Variants in BTBD1 observed in about 807,000 individuals in gnomAD.
BTBD1 encodes the protein BTB domain containing 1.
A neutral mutation model predicts 48.0 loss-of-function variants in BTBD1; 34 were observed. That is an observed-to-expected ratio of 0.71 (90% CI 0.54 to 0.94). The LOEUF (loss-of-function observed/expected upper bound fraction) is 0.94. BTBD1 is among the 40% of genes least tolerant of loss of function. The probability of loss-of-function intolerance (pLI) is 0.00; values close to 1 mark genes in which losing one functional copy is unlikely to be tolerated. For missense variants in BTBD1, 543 were observed against 625.6 expected, an observed-to-expected ratio of 0.87 and a Z score of 1.41; for synonymous variants, 261 against 242.1, an observed-to-expected ratio of 1.08 and a Z score of -0.72.
At chr15:83,043,367 G>A (rs976479474) in intron 3 of BTBD1, among the ~76,000 whole-genome samples, 33 of 152,244 alleles carry the variant, frequency 2.2e-4, no homozygotes, top group African/African-American at 7.7e-4. Flanking sequence ...AGCAGGCAAG[G>A]AGGCCAGAGG....
At chr15:83,027,371 C>A (rs2032430242) in intron 5 of BTBD1, among the ~76,000 whole-genome samples, 1 of 152,138 alleles carries the variant, frequency 6.6e-6, no homozygotes, top group African/African-American at 2.4e-5. Flanking sequence ...CAAACAAACA[C>A]CTCGTCCTAG....
At chr15:83,035,629 T>G (rs1372596619) in intron 4 of BTBD1, among the ~76,000 whole-genome samples, 3 of 151,968 alleles carry the variant, frequency 2.0e-5, no homozygotes, top group Admixed American at 2.0e-4. Context: ...AGAATATAGG[T>G]TGACCTTCTA....
Position 83,067,235 on chromosome 15 carries a change from C to T in BTBD1, c.-84G>A, listed in dbSNP as rs1390161073. 1.6e-6 allele frequency: 2 copies of T among 1,281,168 alleles called. No homozygotes were observed. Among genetic ancestry groups the T allele is most frequent in the Admixed American group, 4.1e-5 (1 of 24,208 alleles). 79.4% of individuals were successfully genotyped at this position (1,281,168 alleles called of 1,614,324 possible). On this transcript the variant is annotated 5_prime_UTR_variant, in exon 1 of 8. Transcript: ENST00000261721. ...GCCTCCGGAGGCCGGCGCTGCCTCC[C>T]TGCCTTCCGGGAAAGGCGCTTCCGG... is the stretch of plus-strand genomic sequence containing the variant.
intron 3 of BTBD1, among the ~76,000 whole-genome samples, chr15:83,049,223 T>A (rs2032933680): frequency 6.6e-6 from 1 of 152,024 alleles, no homozygotes; most frequent in South Asian, 2.1e-4. Flanking sequence ...TCACACACAC[T>A]CTCATTCAGA....
rs1356147502 is a variant in BTBD1, at chr15:83,017,629, G to A, written c.*438C>T. 6.6e-6 allele frequency: 1 copy of A among 152,632 alleles called. No homozygotes were observed. The highest frequency in any genetic ancestry group is 2.4e-5 in the African/African-American group (1 of 41,426). The allele number at this position is 152,632 out of a possible 1,614,324, so 9.5% of individuals were successfully genotyped here. On this transcript the variant is annotated 3_prime_UTR_variant, in exon 8 of 8. Transcript: ENST00000261721. ...TATTTGAGTTAATAAGAATTCTGTAGGAATACTGACCCATCTCTTTTCATC... is the reference window on the plus strand; with the variant it reads ...TATTTGAGTTAATAAGAATTCTGTAAGAATACTGACCCATCTCTTTTCATC...
intron 4 of BTBD1, among the ~76,000 whole-genome samples, chr15:83,032,882 G>C (rs1030027533): frequency 2.8e-5 from 4 of 143,560 alleles, no homozygotes; most frequent in African/African-American, 1.0e-4. Flanking sequence ...TGAGGCAGGA[G>C]AATCACTTGA....
At chr15:83,038,864 C>T (rs546839709) in intron 4 of BTBD1, among the ~76,000 whole-genome samples, 1 of 152,218 alleles carries the variant, frequency 6.6e-6, no homozygotes, top group South Asian at 2.1e-4. Context: ...CTACCTTTCA[C>T]CATACATAAA....
At chr15:83,054,209 G>A (rs772728284) in intron 2 of BTBD1, among the ~76,000 whole-genome samples, 3 of 152,206 alleles carry the variant, frequency 2.0e-5, no homozygotes, top group East Asian at 3.9e-4. Context: ...GTGGTGGTAC[G>A]CACTGGTAAT....
At chr15:83,032,628 T>C (rs2032539352) in intron 4 of BTBD1, among the ~76,000 whole-genome samples, 1 of 152,068 alleles carries the variant, frequency 6.6e-6, no homozygotes, top group East Asian at 1.9e-4. Context: ...AACTCAGGAA[T>C]GGAAAACCAA....
chr15:83,020,828 A>AT, intron 5 of BTBD1, 66 bp from the exon 6 acceptor site: 37 of 1,042,348 alleles, frequency 3.5e-5, no homozygotes, highest in Admixed American at 4.3e-5. Context: ...AAGGGTTATA[A>AT]TTTTTTTTAA....
intron 2 of BTBD1, among the ~76,000 whole-genome samples, chr15:83,053,329 T>C (rs1318554742): frequency 1.3e-5 from 2 of 152,216 alleles, no homozygotes; most frequent in South Asian, 2.1e-4. Flanking sequence ...TGACAATTTA[T>C]GGGCTAATTC....
chr15:83,023,589 T>A (rs2032343885), intron 5 of BTBD1, among the ~76,000 whole-genome samples: 1 of 147,652 alleles, frequency 6.8e-6, no homozygotes. Context: ...TCTCACTATG[T>A]TGCCAAGGCT....
chr15:83,024,231 T>C (rs959117348), intron 5 of BTBD1: 8 of 152,190 alleles, frequency 5.3e-5, no homozygotes, highest in Non-Finnish European at 7.4e-5. Context: ...CCACTGGATT[T>C]TCTCTCTAAT....
chr15:83,051,797 A>T (rs2032987774), intron 2 of BTBD1, among the ~76,000 whole-genome samples: 1 of 151,664 alleles, frequency 6.6e-6, no homozygotes, highest in African/African-American at 2.4e-5. Context: ...GTGCAATGAA[A>T]ACCCATATAC....
At chr15:83,027,245 G>A (rs889872820) in intron 5 of BTBD1, among the ~76,000 whole-genome samples, 1 of 152,130 alleles carries the variant, frequency 6.6e-6, no homozygotes, top group Non-Finnish European at 1.5e-5. Flanking sequence ...CCAGCTACCT[G>A]GGAGCCTGAG....
chr15:83,032,834 C>T (rs1006013043), intron 4 of BTBD1, among the ~76,000 whole-genome samples: 4 of 151,738 alleles, frequency 2.6e-5, no homozygotes, highest in South Asian at 2.1e-4. Flanking sequence ...TAGCCAAGGG[C>T]GGTGGTGGGT....
intron 1 of BTBD1, among the ~76,000 whole-genome samples, chr15:83,064,760 A>G (rs2033232831): frequency 6.6e-6 from 1 of 152,184 alleles, no homozygotes; most frequent in East Asian, 1.9e-4. Flanking sequence ...CCCACAGATC[A>G]TTTTGAAAAC....
intron 5 of BTBD1, among the ~76,000 whole-genome samples, chr15:83,027,297 A>G (rs2032428684): frequency 6.6e-6 from 1 of 152,260 alleles, no homozygotes; most frequent in Non-Finnish European, 1.5e-5. Flanking sequence ...CGTTGCAGTG[A>G]GCCGGGATCG....
intron 1 of BTBD1, among the ~76,000 whole-genome samples, chr15:83,058,549 C>T (rs1224125210): frequency 6.6e-6 from 1 of 151,850 alleles, no homozygotes; most frequent in African/African-American, 2.4e-5. Flanking sequence ...GTGGAGGCTG[C>T]AGGGAGCGGA....
Sources: allele counts gnomAD v4.1 joint callset (sites outside exome capture counted in the v4.1 genomes callset), GRCh38; gene constraint gnomAD v4.1.1; transcripts MANE v1.5; gene names NCBI Gene and HGNC (gene_info 2026-07-23, HGNC 2026-07-21).